The following ALDH1A1 variants were observed in gnomAD, a reference collection of about 807,000 sequenced individuals.
The protein encoded by ALDH1A1 is aldehyde dehydrogenase 1A1.
A neutral mutation model predicts 62.1 loss-of-function variants in ALDH1A1; 19 were observed. The ratio of observed to expected loss-of-function variants is 0.31; its 90% CI spans 0.21 to 0.45. The LOEUF (loss-of-function observed/expected upper bound fraction) is 0.45, where lower values mean the gene tolerates loss of function less well. Ranked by LOEUF, ALDH1A1 falls within the 20% of genes least tolerant of loss-of-function variation. The pLI, the probability that ALDH1A1 is intolerant of heterozygous loss-of-function variation, is 1.00. For synonymous variants in ALDH1A1, 231 were observed against 215.9 expected, an observed-to-expected ratio of 1.07 and a Z score of -0.61; for missense variants, 521 against 607.1, an observed-to-expected ratio of 0.86 and a Z score of 1.49.
chr9:72,952,195 C>T (rs1344563185), intron 1 of ALDH1A1, among the ~76,000 whole-genome samples: 1 of 151,906 alleles, frequency 6.6e-6, no homozygotes, highest in Non-Finnish European at 1.5e-5. Flanking sequence ...GTTCTAGGAT[C>T]TGACAGGAAA....
chr9:72,933,591 A>G (rs1397161840), intron 2 of ALDH1A1, among the ~76,000 whole-genome samples: 1 of 21,854 alleles, frequency 4.6e-5, no homozygotes, highest in Admixed American at 7.0e-4. Flanking sequence ...TCATCTCAAA[A>G]CAAAAAAAAA....
intron 1 of ALDH1A1, among the ~76,000 whole-genome samples, chr9:72,948,542 G>A (rs865983049): frequency 1.3e-5 from 2 of 151,842 alleles, no homozygotes; most frequent in African/African-American, 2.4e-5. Context: ...CTGGATCTTT[G>A]TTCTTCCCTA....
chr9:72,925,015 G>A (rs1830186827), intron 6 of ALDH1A1, among the ~76,000 whole-genome samples: 1 of 152,190 alleles, frequency 6.6e-6, no homozygotes, highest in Non-Finnish European at 1.5e-5. Context: ...ATCCACTCAT[G>A]AGTAGATTGA....
intron 11 of ALDH1A1, among the ~76,000 whole-genome samples, chr9:72,908,255 A>C (rs1376109732): frequency 1.3e-5 from 2 of 151,518 alleles, no homozygotes; most frequent in Non-Finnish European, 2.9e-5. Context: ...CCCTGTCTCT[A>C]CTAAAAAAAG....
chr9:72,952,008 T>C lies in ALDH1A1; in HGVS notation c.66+927A>G, dbSNP rs1830548594. On this transcript the variant is annotated intron_variant, in intron 1 of 12. Coordinates refer to ENST00000297785, the MANE Select transcript of ALDH1A1 (RefSeq NM_000689.5). ...AATAAATATATAACAGTGGGGACTTTTACTTTATCATTAAATTATAATGCC... is the reference window on the plus strand; with the variant it reads ...AATAAATATATAACAGTGGGGACTTCTACTTTATCATTAAATTATAATGCC... 3.3e-5 allele frequency among the ~76,000 whole-genome samples: 5 copies of C among 152,092 alleles called. No individual in the cohort carries two copies. The South Asian group carries it at 1.0e-3, about 31-fold the overall frequency.
At chr9:72,952,656 G>A (rs1830557069) in intron 1 of ALDH1A1, among the ~76,000 whole-genome samples, 1 of 151,914 alleles carries the variant, frequency 6.6e-6, no homozygotes, top group Non-Finnish European at 1.5e-5. Flanking sequence ...GAAGTGCTTA[G>A]TAAAGTCCTC....
At chr9:72,915,231 T>C (rs1830046535) in intron 9 of ALDH1A1, among the ~76,000 whole-genome samples, 1 of 152,208 alleles carries the variant, frequency 6.6e-6, no homozygotes, top group Non-Finnish European at 1.5e-5. Flanking sequence ...TTTAAGTCTA[T>C]TTTAACTTCC....
At chr9:72,909,848 C>G in intron 10 of ALDH1A1, 89 bp from the exon 11 acceptor site, 1 of 1,121,730 alleles carries the variant, frequency 8.9e-7, no homozygotes, top group East Asian at 2.7e-5. Context: ...TACACGCTAT[C>G]CTAAATTGAT....
chr9:72,937,180 ATAGAATATAC>A (rs1348292677), intron 2 of ALDH1A1, among the ~76,000 whole-genome samples: 2 of 152,188 alleles, frequency 1.3e-5, no homozygotes, highest in Admixed American at 1.3e-4. Context: ...TCATAGATTT[ATAGAATATAC>A]TATATCTATA....
At chr9:72,949,110 G>A (rs1352665976) in intron 1 of ALDH1A1, among the ~76,000 whole-genome samples, 1 of 151,816 alleles carries the variant, frequency 6.6e-6, no homozygotes, top group East Asian at 1.9e-4. Flanking sequence ...TTCCATAGGA[G>A]TTGAAGAAAT....
At chr9:72,936,778 A>G (rs181771721) in intron 2 of ALDH1A1, among the ~76,000 whole-genome samples, 7 of 152,262 alleles carry the variant, frequency 4.6e-5, no homozygotes, top group East Asian at 3.9e-4. Context: ...ACCACAGTAC[A>G]GTTTTCAATC....
intron 1 of ALDH1A1, among the ~76,000 whole-genome samples, chr9:72,943,617 G>A (rs1162340260): frequency 2.0e-5 from 3 of 152,150 alleles, no homozygotes; most frequent in Admixed American, 2.0e-4. Flanking sequence ...GACACTGTGA[G>A]CCCAACTTGT....
At chr9:72,902,266 G>A (rs1401441306) in intron 12 of ALDH1A1, among the ~76,000 whole-genome samples, 1 of 152,084 alleles carries the variant, frequency 6.6e-6, no homozygotes, top group Middle Eastern at 3.4e-3. Context: ...TCTCTATATT[G>A]TTTTGATAAG....
rs1186142227 is a variant in ALDH1A1 at position 72,900,915 on chromosome 9, A to C, written c.*293T>G. 8.7e-6 allele frequency: 2 copies of C among 229,702 alleles called. No homozygotes were observed. The highest frequency in any genetic ancestry group is 4.5e-5 in the African/African-American group (2 of 44,316). 14.2% of individuals were successfully genotyped at this position (229,702 alleles called of 1,614,324 possible). ...TTTCTATAAAATTATTATCCTGCAA[A>C]AGTAGCTACAAAGGAAAATCACATA... On this transcript the variant is annotated 3_prime_UTR_variant, in exon 13 of 13. Coordinates refer to ENST00000297785, the MANE Select transcript of ALDH1A1 (RefSeq NM_000689.5).
At chr9:72,924,282 T>C in intron 6 of ALDH1A1, 150 bp from the exon 7 acceptor site, 1 of 573,600 alleles carries the variant, frequency 1.7e-6, no homozygotes, top group South Asian at 2.3e-5. Flanking sequence ...TTAGTCTTAT[T>C]ATGTCATTTC....
Position 72,930,942 on chromosome 9 carries a change from GGAA to G in ALDH1A1, c.246_248del (p.Ser83del). ...ACTTGTATAATAGTCGCCCCCTCTC[GGAA>G]GCATCCATAGTACGCCACGGGGATC... On this transcript the variant is annotated inframe_deletion, in exon 3 of 13. Coordinates refer to ENST00000297785, the MANE Select transcript of ALDH1A1 (RefSeq NM_000689.5). The G allele has an allele frequency of 6.2e-7, 1 of 1,613,974 alleles. No homozygotes were observed. The highest frequency in any genetic ancestry group is 8.5e-7 in the Non-Finnish European group (1 of 1,179,960).
At chr9:72,906,141 A>C in intron 11 of ALDH1A1, 109 bp from the exon 12 acceptor site, 1 of 727,104 alleles carries the variant, frequency 1.4e-6, no homozygotes. Flanking sequence ...CATTAATTTC[A>C]TTATAACATA....
chr9:72,942,364 C>T (rs1830424482), intron 1 of ALDH1A1: 2 of 985,232 alleles, frequency 2.0e-6, no homozygotes, highest in African/African-American at 1.7e-5. Context: ...GAAGCTTGCT[C>T]ATGCACACTG....
At chr9:72,917,139 T>C (rs1830076404) in intron 8 of ALDH1A1, 35 bp from the exon 9 acceptor site, 1 of 1,338,178 alleles carries the variant, frequency 7.5e-7, no homozygotes, top group Admixed American at 2.9e-5. Flanking sequence ...AGATATATTT[T>C]ATAAAAATTA....
Sources: gnomAD v4.1 joint callset for allele counts (sites outside exome capture counted in the v4.1 genomes callset) on GRCh38, gnomAD v4.1.1 for gene constraint, MANE v1.5 for transcripts, NCBI Gene and HGNC (gene_info 2026-07-23, HGNC 2026-07-21) for gene names.